DNAH5: variants seen among roughly 807,000 people sequenced by gnomAD.
DNAH5 encodes the protein axonemal beta dynein heavy chain 5.
Under a neutral mutation model 518.2 loss-of-function variants are expected in DNAH5, and 372 were observed. That is an observed-to-expected ratio of 0.72 (90% CI 0.66 to 0.78). The LOEUF is 0.78. Among genes scored for constraint, DNAH5 ranks in the 30% least tolerant of loss-of-function variants. DNAH5 has a pLI of 0.00. For missense variants in DNAH5, 5,523 were observed against 5,687.0 expected (o/e 0.97, Z 0.93); for synonymous variants, 2,039 against 2,025.9 (o/e 1.01, Z -0.17).
rs192930423 is a variant in DNAH5, at chr5:13,723,936, T to C, written c.12034-2691A>G. On this transcript the variant is annotated intron_variant, in intron 70 of 78. Transcript: ENST00000265104. Reference sequence around the variant, plus strand: ...GTTCCTGGGCGGGGACATTCTTAAATAGGGTCACAGTCATGGTTCAAATTG... The same window carrying C: ...GTTCCTGGGCGGGGACATTCTTAAACAGGGTCACAGTCATGGTTCAAATTG... Among the ~76,000 whole-genome samples the C allele has an allele frequency of 9.2e-5, 14 of 152,312 alleles. 1 individual carries two copies. The East Asian group carries it at 1.3e-3, about 15-fold the overall frequency.
Position 13,765,979 on chromosome 5 carries a change from T to C in DNAH5, c.10098A>G (p.Leu3366=), listed in dbSNP as rs1490556290. The C allele has an allele frequency of 6.2e-7, 1 of 1,614,132 alleles. No homozygotes were observed. The change falls in exon 59 of 79, where the codon TTA becomes TTG. Residue 3366 remains leucine (L), a synonymous_variant. Coordinates refer to ENST00000265104, the MANE Select transcript of DNAH5 (RefSeq NM_001369.3). ...CCATCACCACTGAACTACCAACCTG[T>C]AAGTTCTGTAAAAAGTTCCCTGCAG... ...LMTAGNFLQN[L]QQFPKDTINE...
chr5:13,993,600 G>C (rs920854209), intron 1 of DNAH5, among the ~76,000 whole-genome samples: 1 of 152,172 alleles, frequency 6.6e-6, no homozygotes, highest in African/African-American at 2.4e-5. Flanking sequence ...AGACATAATC[G>C]TAAGTATTTC....
chr5:13,848,321 GT>G (rs1341770766), intron 31 of DNAH5, among the ~76,000 whole-genome samples: 2 of 152,202 alleles, frequency 1.3e-5, no homozygotes, highest in African/African-American at 4.8e-5. Context: ...TGGCCATGGT[GT>G]TTAAAAAGCC....
At chr5:13,752,510 C>T (rs567952257) in intron 63 of DNAH5, among the ~76,000 whole-genome samples, 1 of 152,304 alleles carries the variant, frequency 6.6e-6, no homozygotes, top group South Asian at 2.1e-4. Context: ...GTTGAATGTA[C>T]ACAAACTTTG....
chr5:13,788,821 C>T lies in DNAH5; in HGVS notation c.8542G>A (p.Val2848Ile). ...SDVTWFDKAL[V>I]SLVEEEFGEE... ...CCAAACTCCTCCTCTACCAAACTTA[C>T]TAAAGCCTTATCAAACCAGGTCACA... Residue 2848 changes from valine (V) to isoleucine (I), a missense_variant, in exon 51 of 79, where the codon GTA becomes ATA. This residue lies in a region of DNAH5 where 5,121 missense variants were observed against 5,223.3 expected (regional missense o/e 0.98). Coordinates refer to ENST00000265104, the MANE Select transcript of DNAH5 (RefSeq NM_001369.3). 6.2e-7 allele frequency: 1 copy of T among 1,614,140 alleles called. No homozygotes were observed. The highest frequency in any genetic ancestry group is 8.5e-7 in the Non-Finnish European group (1 of 1,180,002).
At chr5:13,759,724 TA>T (rs963498791) in intron 60 of DNAH5, among the ~76,000 whole-genome samples, 6 of 152,184 alleles carry the variant, frequency 3.9e-5, no homozygotes, top group African/African-American at 1.4e-4. Flanking sequence ...AGATGAGATG[TA>T]AAAAAGTAGT....
intron 44 of DNAH5, among the ~76,000 whole-genome samples, chr5:13,810,775 A>AACAG (rs1760579684): frequency 1.6e-5 from 2 of 128,984 alleles, no homozygotes; most frequent in Admixed American, 8.0e-5. Flanking sequence ...CAAACAAACA[A>AACAG]AAAAACAGGG....
rs1781744188 is a variant in DNAH5 at position 13,969,562 on chromosome 5, AC to A, written c.13-38319del. Among the ~76,000 whole-genome samples the A allele has an allele frequency of 2.0e-5, 3 of 152,216 alleles. No individual in the cohort carries two copies. The South Asian group carries it at 6.2e-4, about 32-fold the overall frequency. On this transcript the variant is annotated intron_variant, in intron 1 of 78. Coordinates refer to the DNAH5 transcript ENST00000681290. The stretch of plus-strand genomic sequence containing the variant: ...AATTTCCATCTTGATTTTATTGTTG[AC>A]CCAATGATCATTCAGGAGCAGGTTA...
intron 1 of DNAH5, among the ~76,000 whole-genome samples, chr5:13,997,184 T>G (rs1200991683): frequency 6.6e-6 from 1 of 152,244 alleles, no homozygotes; most frequent in Admixed American, 6.5e-5. Flanking sequence ...GCTAAGAATT[T>G]TCCAACTTTT....
chr5:13,824,156 C>G (rs774370248), intron 39 of DNAH5, 43 bp downstream of exon 39: 2 of 1,604,936 alleles, frequency 1.2e-6, no homozygotes, highest in Non-Finnish European at 1.7e-6. Flanking sequence ...GTTAGTTTAA[C>G]TGATATCCAA....
chr5:13,795,524 C>A (rs1435080693), intron 47 of DNAH5, among the ~76,000 whole-genome samples: 1 of 152,166 alleles, frequency 6.6e-6, no homozygotes, highest in Non-Finnish European at 1.5e-5. Flanking sequence ...TCTGAATAGA[C>A]CAATAACAGG....
chr5:13,830,333 A>G, intron 36 of DNAH5, 120 bp from the exon 37 acceptor site: 1 of 1,022,894 alleles, frequency 9.8e-7, no homozygotes, highest in Non-Finnish European at 1.5e-6. Flanking sequence ...GTAAAGTGCA[A>G]CAAATAGATC....
At chr5:13,912,580 T>G (rs1413718057) in intron 11 of DNAH5, among the ~76,000 whole-genome samples, 1 of 151,862 alleles carries the variant, frequency 6.6e-6, no homozygotes, top group Non-Finnish European at 1.5e-5. Flanking sequence ...TGTGTGTGTA[T>G]GTATATATAC....
Position 13,913,600 on chromosome 5 carries a change from C to A in DNAH5, c.1536+143G>T, listed in dbSNP as rs895706239. Reference sequence around the variant, plus strand: ...CACAATTCTCAAACAAATCTAATTTCTTTATTGTTAAAAGGCCATGAGATT... The same window carrying A: ...CACAATTCTCAAACAAATCTAATTTATTTATTGTTAAAAGGCCATGAGATT... On this transcript the variant is annotated intron_variant, in intron 11 of 78. Coordinates refer to ENST00000265104, the MANE Select transcript of DNAH5 (RefSeq NM_001369.3). 5 of 991,092 alleles carry A rather than the reference C, an allele frequency of 5.0e-6. No homozygotes were observed. In the African/African-American group the frequency reaches 8.2e-5, roughly 16 times the overall value. 61.4% of individuals were successfully genotyped at this position (991,092 alleles called of 1,614,324 possible). A position where few individuals can be genotyped will look rare whatever the true frequency, so the allele number is the denominator to read the frequency against.
At chr5:13,891,153 A>G in intron 16 of DNAH5, 32 bp from the exon 17 acceptor site, 1 of 1,612,190 alleles carries the variant, frequency 6.2e-7, no homozygotes. Flanking sequence ...AATAAAAGAG[A>G]TTAGGTAAAG....
Position 13,701,363 on chromosome 5 carries a change from C to A in DNAH5, c.13412G>T (p.Trp4471Leu), listed in dbSNP as rs761077963. The change falls in exon 77 of 79, where the codon TGG (tryptophan) becomes TTG (leucine). Residue 4471 changes from tryptophan (W) to leucine (L), a missense_variant. By Grantham distance (61) the Trp-to-Leu change is moderately conservative. Around this residue, in one of 3 missense-constraint regions of DNAH5, gnomAD observed 387 missense variants for 430.0 expected, o/e 0.90. Transcript: ENST00000265104. ...LIERNSQFTS[W>L]VFNGRPHCFW... ...GCAGTGAGGTCGGCCATTGAAAACCCACGAGGTAAACTGGCTGTTTCTTTC... is the reference window on the plus strand; with the variant it reads ...GCAGTGAGGTCGGCCATTGAAAACCAACGAGGTAAACTGGCTGTTTCTTTC... The A allele has an allele frequency of 6.8e-6, 11 of 1,613,868 alleles. No individual in the cohort carries two copies. The highest frequency in any genetic ancestry group is 3.3e-5 in the Admixed American group (2 of 59,992).
At chr5:13,921,513 ACACAC>A (rs1408651512) in intron 5 of DNAH5, among the ~76,000 whole-genome samples, 5 of 146,662 alleles carry the variant, frequency 3.4e-5, no homozygotes, top group Admixed American at 6.8e-5. Context: ...ACACACACAC[ACACAC>A]AAGCGTACAT....
intron 12 of DNAH5, 85 bp from the exon 13 acceptor site, chr5:13,902,223 G>A (rs907436786): frequency 2.3e-5 from 22 of 974,952 alleles, no homozygotes; most frequent in Non-Finnish European, 3.5e-5. Flanking sequence ...TCCATTCTGT[G>A]CAAACACATA....
chr5:13,809,993 T>G, intron 45 of DNAH5, 66 bp downstream of exon 45: 1 of 1,411,120 alleles, frequency 7.1e-7, no homozygotes, highest in Non-Finnish European at 9.8e-7. Context: ...ATATATGGTG[T>G]AAATATTGGC....
Sources: gnomAD v4.1 joint callset for allele counts (sites outside exome capture counted in the v4.1 genomes callset) on GRCh38, gnomAD v4.1.1 for gene constraint, gnomAD v4.1.1 regional missense constraint, MANE v1.5 for transcripts, NCBI Gene and HGNC (gene_info 2026-07-23, HGNC 2026-07-21) for gene names.